Variants in PPFIA3 observed in about 807,000 individuals in gnomAD.
The protein encoded by PPFIA3 is PPFI scaffold protein A3.
Under a neutral mutation model 145.8 loss-of-function variants are expected in PPFIA3, and 26 were observed. That is an observed-to-expected ratio of 0.18 (90% CI 0.13 to 0.25). The LOEUF (loss-of-function observed/expected upper bound fraction) is 0.25, where lower values mean the gene tolerates loss of function less well. Among genes scored for constraint, PPFIA3 ranks in the 10% least tolerant of loss-of-function variants. The probability of loss-of-function intolerance (pLI) is 1.00; values close to 1 mark genes in which losing one functional copy is unlikely to be tolerated. For missense variants in PPFIA3, 1,008 were observed against 1,587.8 expected (o/e 0.63, Z 6.21); for synonymous variants, 645 against 661.4 (o/e 0.98, Z 0.38).
At chr19:49,135,581 C>T (rs928314824) in intron 13 of PPFIA3, among the ~76,000 whole-genome samples, 198 bp from the exon 14 acceptor site, 4 of 151,428 alleles carry the variant, frequency 2.6e-5, no homozygotes, top group African/African-American at 7.3e-5. Flanking sequence ...ACCAGGTTGG[C>T]CTGGTCTCAA....
rs1600356077 is a variant in PPFIA3 at position 49,149,403 on chromosome 19, T to A, written c.3354+78T>A. On this transcript the variant is annotated intron_variant, in intron 27 of 29. Transcript: ENST00000334186. This position sits in a 1 kb window ranked among gnomAD's most constrained non-coding sequence, Gnocchi z 5.7. Reference sequence around the variant, plus strand: ...CTGAGCTGAGGGGGCGGGGCCTGACTATTAATGGTCACGGTTGGAGGCGGG... The same window carrying A: ...CTGAGCTGAGGGGGCGGGGCCTGACAATTAATGGTCACGGTTGGAGGCGGG... 4 of 1,592,920 alleles carry A rather than the reference T, an allele frequency of 2.5e-6. No individual in the cohort carries two copies. Among genetic ancestry groups the A allele is most frequent in the East Asian group, 4.5e-5 (2 of 44,706 alleles).
intron 21 of PPFIA3, among the ~76,000 whole-genome samples, chr19:49,143,808 T>C (rs377522822): frequency 6.6e-6 from 1 of 152,116 alleles, no homozygotes; most frequent in Non-Finnish European, 1.5e-5. Context: ...GGAGTACAGG[T>C]TGAGTGTCCC....
Position 49,130,563 on chromosome 19 carries a change from G to A in PPFIA3, c.843G>A (p.Glu281=), listed in dbSNP as rs866459441. The A allele has an allele frequency of 1.3e-6, 2 of 1,566,724 alleles. No individual in the cohort carries two copies. The highest frequency in any genetic ancestry group is 1.9e-5 in the Admixed American group (1 of 52,436). The change falls in exon 7 of 30, where the codon GAG becomes GAA. Residue 281 remains glutamate (E), a synonymous_variant. Transcript: ENST00000334186. This position sits in a 1 kb window ranked among gnomAD's most constrained non-coding sequence, Gnocchi z 4.5. Reference sequence around the variant, plus strand: ...CGCACCGTGAGCTGGGCAAGGCAGAGGAAGCCAACTCCAAGCTGCAGCGCG... The same window carrying A: ...CGCACCGTGAGCTGGGCAAGGCAGAAGAAGCCAACTCCAAGCTGCAGCGCG... ...GTAHRELGKA[E]EANSKLQRDL... is the part of the protein sequence containing the mutation.
chr19:49,132,420 AGAAAG>A (rs2041086952), intron 7 of PPFIA3, among the ~76,000 whole-genome samples: 1 of 136,650 alleles, frequency 7.3e-6, no homozygotes, highest in South Asian at 2.4e-4. Context: ...AAAAAAAAAA[AGAAAG>A]AGAGAGAGAG....
intron 18 of PPFIA3, among the ~76,000 whole-genome samples, chr19:49,140,943 C>G (rs1030455702): frequency 3.9e-5 from 6 of 152,116 alleles, no homozygotes; most frequent in East Asian, 1.9e-4. Flanking sequence ...TGTGAGCCAC[C>G]GTGCCCAGCC....
intron 14 of PPFIA3, among the ~76,000 whole-genome samples, chr19:49,136,228 C>CG (rs1322775155): frequency 1.3e-5 from 2 of 151,480 alleles, no homozygotes; most frequent in Non-Finnish European, 2.9e-5. Flanking sequence ...GAATCAGGGG[C>CG]GGGGGTGGAG....
intron 16 of PPFIA3, 31 bp downstream of exon 16, chr19:49,138,458 AG>A: frequency 1.0e-5 from 15 of 1,475,018 alleles, no homozygotes; most frequent in Non-Finnish European, 1.3e-5. Context: ...CCAGCCTAGT[AG>A]GGGGATGGGG....
rs1209779911 is a variant in PPFIA3, at chr19:49,149,371, CGA to C, written c.3354+50_3354+51del. The C allele has an allele frequency of 6.2e-7, 1 of 1,607,808 alleles. No homozygotes were observed. The highest frequency in any genetic ancestry group is 2.2e-5 in the East Asian group (1 of 44,846). On this transcript the variant is annotated intron_variant, in intron 27 of 29. Transcript: ENST00000334186. This position sits in a 1 kb window ranked among gnomAD's most constrained non-coding sequence, Gnocchi z 5.7. ...GAGGGCTCTGCTCCCAGCGGCTCCTCGAGAGGCTGAGCTGAGGGGGCGGGGCC... is the reference window on the plus strand; with the variant it reads ...GAGGGCTCTGCTCCCAGCGGCTCCTCGAGGCTGAGCTGAGGGGGCGGGGCC...
intron 21 of PPFIA3, chr19:49,145,740 G>A: frequency 1.7e-6 from 1 of 598,582 alleles, no homozygotes; most frequent in Non-Finnish European, 3.0e-6. Flanking sequence ...ATTCCAACCT[G>A]AATTTGTTCA....
intron 16 of PPFIA3, 101 bp downstream of exon 16, chr19:49,138,528 T>G: frequency 9.7e-7 from 1 of 1,034,028 alleles, no homozygotes; most frequent in Non-Finnish European, 1.3e-6. Context: ...CACCAGTGGT[T>G]TTCCAAAGCA....
chr19:49,140,943 C>T (rs1030455702), intron 18 of PPFIA3, among the ~76,000 whole-genome samples: 1 of 152,116 alleles, frequency 6.6e-6, no homozygotes, highest in East Asian at 1.9e-4. Context: ...TGTGAGCCAC[C>T]GTGCCCAGCC....
At position 49,150,400 on chromosome 19, in the gene PPFIA3, C is replaced by A; in HGVS notation, c.*178C>A. 1 of 433,222 alleles carries A rather than the reference C, an allele frequency of 2.3e-6. No individual in the cohort carries two copies. The highest frequency in any genetic ancestry group is 3.8e-5 in the South Asian group (1 of 26,450). 26.8% of individuals were successfully genotyped at this position (433,222 alleles called of 1,614,324 possible). The stretch of plus-strand genomic sequence containing the variant: ...GCGCCCGCCTCGCACAGGGCCGGGG[C>A]CTGGACCAAACCACATGAACTGGAC... On this transcript the variant is annotated 3_prime_UTR_variant, in exon 30 of 30. Transcript: ENST00000334186.
intron 23 of PPFIA3, 126 bp from the exon 24 acceptor site, chr19:49,147,957 A>T (rs1300775110): frequency 5.3e-6 from 5 of 943,182 alleles, no homozygotes; most frequent in Non-Finnish European, 8.0e-6. Flanking sequence ...CTGAGCAGAG[A>T]TTGGTCATTG....
intron 23 of PPFIA3, among the ~76,000 whole-genome samples, chr19:49,147,785 C>A (rs9304680): frequency 0.66 from 99,811 of 151,956 alleles, 34,339 homozygotes; most frequent in African/African-American, 0.85. Flanking sequence ...GTGAAAATGC[C>A]GATACCGACT....
In PPFIA3 at chr19:49,130,046, G is replaced by C. The variant is rs199751282; in HGVS notation, c.636G>C (p.Pro212=). ...LSRRRSGLEE[P]GKDGDGQTLA... ...GGCGGCGGTCAGGGCTGGAAGAGCC[G>C]GGCAAGGATGGGGATGGGCAGGTGA... Residue 212 remains proline (P), a synonymous_variant, in exon 6 of 30, where the codon CCG becomes CCC. Transcript: ENST00000334186. The surrounding 1 kb of genome is among the most constrained non-coding windows in gnomAD (Gnocchi z 4.5). 1 of 1,613,012 alleles carries C rather than the reference G, an allele frequency of 6.2e-7. No individual in the cohort carries two copies. Among genetic ancestry groups the C allele is most frequent in the East Asian group, 2.2e-5 (1 of 44,870 alleles).
In PPFIA3 at chr19:49,130,258, C is replaced by G; in HGVS notation, c.658-120C>G. On this transcript the variant is annotated intron_variant, in intron 6 of 29. Transcript: ENST00000334186. This position sits in a 1 kb window ranked among gnomAD's most constrained non-coding sequence, Gnocchi z 4.5. ...CCTCCTTCACTGACCCCCGTGGACT[C>G]TGACCAGCATGATCCTTATTGATCT... 1.4e-5 allele frequency: 17 copies of G among 1,211,740 alleles called. No homozygotes were observed. The South Asian group carries it at 2.3e-4, about 16-fold the overall frequency. 75.1% of individuals were successfully genotyped at this position (1,211,740 alleles called of 1,614,324 possible). A position where few individuals can be genotyped will look rare whatever the true frequency, so the allele number is the denominator to read the frequency against.
rs1397698829 is a variant in PPFIA3 at position 49,140,088 on chromosome 19, G to T, written c.2368G>T (p.Ala790Ser). 1 of 1,613,614 alleles carries T rather than the reference G, an allele frequency of 6.2e-7. No individual in the cohort carries two copies. The highest frequency in any genetic ancestry group is 8.5e-7 in the Non-Finnish European group (1 of 1,179,992). Residue 790 changes from alanine to serine, a missense_variant and splice_region_variant, in exon 18 of 30, where the codon GCT becomes TCT. Physicochemically the swap from Ala to Ser is moderately conservative, Grantham distance 99 (BLOSUM62 1). Coordinates refer to ENST00000334186, the MANE Select transcript of PPFIA3 (RefSeq NM_003660.4). The part of the protein sequence containing the change: ...GPPGRDSSSL[A>S]GTPSDETLAT... ...CCCAGGCCGGGACAGCTCTTCTCTGGGTGAGTACCTCACTCTAACCCTTCC... is the reference window on the plus strand; with the variant it reads ...CCCAGGCCGGGACAGCTCTTCTCTGTGTGAGTACCTCACTCTAACCCTTCC...
chr19:49,125,706 G>A (rs1287539623), intron 1 of PPFIA3, among the ~76,000 whole-genome samples: 1 of 152,124 alleles, frequency 6.6e-6, no homozygotes, highest in Middle Eastern at 3.2e-3. Context: ...AGGAAGCTGA[G>A]AGCCCAGACT....
At chr19:49,137,628 CAAAAAAAAAAAAAAAAAA>C (rs3032695) in intron 15 of PPFIA3, among the ~76,000 whole-genome samples, 4 of 43,784 alleles carry the variant, frequency 9.1e-5, no homozygotes, top group South Asian at 1.0e-3. Context: ...GACTCCGTGT[CAAAAAAAAAAAAAAAAAA>C]AAAAAAAAAA....
Sources: gnomAD v4.1 joint callset for allele counts (sites outside exome capture counted in the v4.1 genomes callset) on GRCh38, gnomAD v4.1.1 for gene constraint, Gnocchi (gnomAD v3.1) non-coding constraint, MANE v1.5 for transcripts, NCBI Gene and HGNC (gene_info 2026-07-23, HGNC 2026-07-21) for gene names.